SCML2: variants seen among roughly 807,000 people sequenced by gnomAD.
The protein encoded by SCML2 is Scm polycomb group protein like 2.
A neutral mutation model predicts 48.4 loss-of-function variants in SCML2; 6 were observed. The ratio of observed to expected loss-of-function variants is 0.12; its 90% CI spans 0.07 to 0.24. The LOEUF (loss-of-function observed/expected upper bound fraction) is 0.24, where lower values mean the gene tolerates loss of function less well. Ranked by LOEUF, SCML2 falls within the 10% of genes least tolerant of loss-of-function variation. SCML2 has a pLI of 1.00. For synonymous variants in SCML2, 181 were observed against 189.5 expected, an observed-to-expected ratio of 0.95 and a Z score of 0.37; for missense variants, 377 against 528.2, an observed-to-expected ratio of 0.71 and a Z score of 2.81.
Position 18,305,142 on chromosome X carries a change from T to C in SCML2, c.560A>G (p.Tyr187Cys). The part of the protein sequence containing the change: ...KLEAIDKKNP[Y>C]LICPATIGDV... Reference sequence around the variant, plus strand: ...TCCAATGGTCGCAGGACAGATGAGATACGGGTTCTTTTTGTCAATAGCTTC... The same window carrying C: ...TCCAATGGTCGCAGGACAGATGAGACACGGGTTCTTTTTGTCAATAGCTTC... Residue 187 changes from tyrosine (Y) to cysteine (C), a missense_variant, in exon 7 of 15, where the codon TAT becomes TGT. Around this residue, in one of 3 missense-constraint regions of SCML2, gnomAD observed 299 missense variants for 425.5 expected, o/e 0.70. Transcript: ENST00000251900. The C allele has an allele frequency of 8.3e-7, 1 of 1,210,368 alleles. No individual in the cohort carries two copies. Among genetic ancestry groups the C allele is most frequent in the Non-Finnish European group, 1.1e-6 (1 of 894,706 alleles).
intron 7 of SCML2, among the ~76,000 whole-genome samples, chrX:18,276,299 GAA>G (rs369588545): frequency 1.7e-5 from 1 of 58,382 alleles, no homozygotes. Flanking sequence ...GTCTCAAGAA[GAA>G]AAAAAAAAAA....
chrX:18,343,588 G>A (rs1242570701), intron 1 of SCML2, among the ~76,000 whole-genome samples: 4 of 108,520 alleles, frequency 3.7e-5, no homozygotes, highest in Non-Finnish European at 7.6e-5. Context: ...GCAAAACCCC[G>A]TCTCTACTAA....
intron 3 of SCML2, among the ~76,000 whole-genome samples, chrX:18,329,113 T>C (rs1290153298): frequency 9.0e-6 from 1 of 111,570 alleles, no homozygotes; most frequent in Non-Finnish European, 1.9e-5. Context: ...TCTGTGAACA[T>C]ACTGAAAACC....
intron 7 of SCML2, among the ~76,000 whole-genome samples, chrX:18,279,000 T>C (rs188956139): frequency 2.8e-3 from 317 of 112,447 alleles, no homozygotes; most frequent in African/African-American, 9.7e-3. Context: ...GGTGTATTTC[T>C]CCACTGCAAC....
chrX:18,345,427 G>A (rs2147569443), intron 1 of SCML2, among the ~76,000 whole-genome samples: 1 of 110,648 alleles, frequency 9.0e-6, no homozygotes, highest in South Asian at 3.9e-4. Context: ...GGGTCTCTCT[G>A]TCACCCAGGC....
intron 1 of SCML2, chrX:18,341,306 A>G (rs1930006629): frequency 2.1e-6 from 1 of 484,704 alleles, no homozygotes; most frequent in Non-Finnish European, 3.3e-6. Context: ...CCTGCTGACC[A>G]AAGAGGCCAT....
At chrX:18,354,242 G>A (rs1406318155) in intron 1 of SCML2, among the ~76,000 whole-genome samples, 1 of 113,257 alleles carries the variant, frequency 8.8e-6, no homozygotes, top group Non-Finnish European at 1.9e-5. Flanking sequence ...GCCCCAGCCC[G>A]GCCCTACCCA....
chrX:18,323,471 T>C lies in SCML2; in HGVS notation c.397+388A>G, dbSNP rs141830661. On this transcript the variant is annotated intron_variant, in intron 5 of 14. Coordinates refer to ENST00000251900, the MANE Select transcript of SCML2 (RefSeq NM_006089.3). ...TACCCTTCCCCTAGGCTTATCCCCA[T>C]ACCAAAATTGCTGAATGGCTCAGTG... Among the ~76,000 whole-genome samples, 575 of 111,681 alleles carry C rather than the reference T, an allele frequency of 5.1e-3. 3 individuals carry two copies. Among genetic ancestry groups the C allele is most frequent in the African/African-American group, 0.018 (557 of 30,778 alleles).
chrX:18,328,185 T>C (rs1330766348), intron 3 of SCML2, among the ~76,000 whole-genome samples: 2 of 111,567 alleles, frequency 1.8e-5, no homozygotes, highest in African/African-American at 6.5e-5. Flanking sequence ...TGAGCTCCCC[T>C]GGTCTTCTCT....
chrX:18,313,608 A>C (rs767826701), intron 6 of SCML2, among the ~76,000 whole-genome samples: 1 of 111,466 alleles, frequency 9.0e-6, no homozygotes, highest in Non-Finnish European at 1.9e-5. Flanking sequence ...AGTGACACAC[A>C]TTTTTACCCT....
At chrX:18,344,428 C>T (rs1388939481) in intron 1 of SCML2, among the ~76,000 whole-genome samples, 1 of 111,831 alleles carries the variant, frequency 8.9e-6, no homozygotes, top group East Asian at 2.8e-4. Flanking sequence ...GGCTCCAATA[C>T]ACCGTATGTG....
chrX:18,344,943 C>T (rs1401167962), intron 1 of SCML2, among the ~76,000 whole-genome samples: 1 of 111,483 alleles, frequency 9.0e-6, no homozygotes, highest in East Asian at 2.8e-4. Context: ...AGATCTGTTA[C>T]TTACTGAGCT....
chrX:18,312,193 T>G (rs1928972338), intron 6 of SCML2, among the ~76,000 whole-genome samples: 1 of 111,839 alleles, frequency 8.9e-6, no homozygotes, highest in Non-Finnish European at 1.9e-5. Flanking sequence ...GTAATCCAAC[T>G]GAGATTGAAA....
At chrX:18,354,214 C>T (rs1018183022) in intron 1 of SCML2, among the ~76,000 whole-genome samples, 1 of 113,505 alleles carries the variant, frequency 8.8e-6, no homozygotes, top group African/African-American at 3.2e-5. Flanking sequence ...CCCCGCCACC[C>T]ACCGTGATGC....
chrX:18,291,758 T>A lies in SCML2; in HGVS notation c.730+13214A>T, dbSNP rs190910989. Among the ~76,000 whole-genome samples the A allele has an allele frequency of 4.4e-3, 486 of 111,631 alleles. 8 individuals are homozygous for A. The East Asian group carries it at 0.085, about 20-fold the overall frequency. On this transcript the variant is annotated intron_variant, in intron 7 of 14. Coordinates refer to ENST00000251900, the MANE Select transcript of SCML2 (RefSeq NM_006089.3). ...GAATGATGTGTTTAAAAAAAAAGAA[T>A]AGAAACATTCAAAATAAACAAAAAT...
chrX:18,275,385 T>C (rs903798098), intron 7 of SCML2, among the ~76,000 whole-genome samples: 5 of 112,828 alleles, frequency 4.4e-5, no homozygotes, highest in African/African-American at 1.6e-4. Flanking sequence ...TATTACACAT[T>C]CTTTGAAATT....
chrX:18,268,238 C>A (rs1927323386), intron 7 of SCML2, among the ~76,000 whole-genome samples: 1 of 112,414 alleles, frequency 8.9e-6, no homozygotes, highest in South Asian at 3.7e-4. Context: ...CTTAAAAATC[C>A]CATTTCTCTG....
At chrX:18,254,262 C>T (rs1197492358) in intron 11 of SCML2, among the ~76,000 whole-genome samples, 1 of 112,132 alleles carries the variant, frequency 8.9e-6, no homozygotes, top group African/African-American at 3.2e-5. Context: ...TTTTGAGTCA[C>T]TTATTTTAAA....
intron 3 of SCML2, among the ~76,000 whole-genome samples, chrX:18,326,976 G>A (rs1023683157): frequency 9.0e-6 from 1 of 111,371 alleles, no homozygotes; most frequent in African/African-American, 3.3e-5. Flanking sequence ...CGAAATCCAC[G>A]GCTTCAAAAT....
Sources: allele counts gnomAD v4.1 joint callset (sites outside exome capture counted in the v4.1 genomes callset), GRCh38; gene constraint gnomAD v4.1.1; regional missense constraint gnomAD v4.1.1; transcripts MANE v1.5; gene names NCBI Gene and HGNC (gene_info 2026-07-23, HGNC 2026-07-21).